Variants in CACHD1 observed in about 807,000 individuals in gnomAD.
The protein encoded by CACHD1 is VWFA and cache domain-containing protein 1.
CACHD1 carries 71 observed loss-of-function variants against 138.7 expected under a neutral mutation model. That is an observed-to-expected ratio of 0.51 (90% CI 0.42 to 0.62). The LOEUF is 0.62. Ranked by LOEUF, CACHD1 falls within the 20% of genes least tolerant of loss-of-function variation. CACHD1 has a pLI of 0.00. For synonymous variants in CACHD1, 578 were observed against 591.5 expected (o/e 0.98, Z 0.33); for missense variants, 1,389 against 1,625.3 (o/e 0.85, Z 2.50).
chr1:64,634,402 C>G (rs1648435853), intron 7 of CACHD1, 142 bp downstream of exon 7: 4 of 209,194 alleles, frequency 1.9e-5, no homozygotes, highest in Non-Finnish European at 3.4e-5. Context: ...ATTTATTTAC[C>G]TTGAGACAGA....
chr1:64,606,835 G>C (rs1333468522), intron 4 of CACHD1, among the ~76,000 whole-genome samples: 2 of 152,166 alleles, frequency 1.3e-5, no homozygotes, highest in African/African-American at 4.8e-5. Flanking sequence ...AGGGGACCAG[G>C]TATGTGAGAG....
chr1:64,543,179 T>C (rs2100433399), intron 1 of CACHD1, among the ~76,000 whole-genome samples: 1 of 151,916 alleles, frequency 6.6e-6, no homozygotes, highest in East Asian at 1.9e-4. Context: ...CTATTTTTCT[T>C]TTTAGTGGTA....
At chr1:64,566,484 C>CCCCT (rs1285028508) in intron 2 of CACHD1, among the ~76,000 whole-genome samples, 9 of 141,996 alleles carry the variant, frequency 6.3e-5, no homozygotes, top group Non-Finnish European at 6.5e-5. Context: ...TCAATTCCCC[C>CCCCT]CCCCCCACAA....
At chr1:64,617,160 AC>A (rs1260358628) in intron 4 of CACHD1, among the ~76,000 whole-genome samples, 115 of 13,246 alleles carry the variant, frequency 8.7e-3, no homozygotes, top group Admixed American at 0.015. Flanking sequence ...ACAAAACAAA[AC>A]AAAAAAAAAA....
intron 2 of CACHD1, among the ~76,000 whole-genome samples, chr1:64,551,441 T>G (rs1646758268): frequency 6.6e-6 from 1 of 152,206 alleles, no homozygotes; most frequent in African/African-American, 2.4e-5. Flanking sequence ...ATCCACCAAC[T>G]TCATTACAGT....
Position 64,682,091 on chromosome 1 carries a change from A to G in CACHD1, c.3571A>G (p.Thr1191Ala), listed in dbSNP as rs1385417405. 2.4e-5 allele frequency: 39 copies of G among 1,614,066 alleles called. No individual in the cohort carries two copies. Among genetic ancestry groups the G allele is most frequent in the Non-Finnish European group, 3.1e-5 (37 of 1,179,964 alleles). The change falls in exon 26 of 27, where the codon ACA (threonine) becomes GCA (alanine). Residue 1191 changes from threonine (T) to alanine (A), a missense_variant. Physicochemically the swap from Thr to Ala is moderately conservative, Grantham distance 58 (BLOSUM62 0). Transcript: ENST00000651257. The stretch of plus-strand genomic sequence containing the variant: ...GCGCCGCTACTGGGGTCGATCAGGA[A>G]CAGAAAGTGATCATGGTAAGGTCTA... ...RRRRYWGRSGTESDHGYSTMS... is the reference protein window; with the variant it reads ...RRRRYWGRSGAESDHGYSTMS...
At chr1:64,661,384 G>A (rs1006084377) in intron 13 of CACHD1, among the ~76,000 whole-genome samples, 4 of 152,144 alleles carry the variant, frequency 2.6e-5, no homozygotes, top group Non-Finnish European at 5.9e-5. Context: ...TTTGGGTCCT[G>A]TATCTTGATT....
At position 64,594,803 on chromosome 1, in the gene CACHD1, C is replaced by G. The variant is rs527914303; in HGVS notation, c.411-8003C>G. Among the ~76,000 whole-genome samples, 258 of 152,298 alleles carry G rather than the reference C, an allele frequency of 1.7e-3. 2 individuals are homozygous for G. Among genetic ancestry groups the G allele is most frequent in the Non-Finnish European group, 3.0e-3 (206 of 68,028 alleles). On this transcript the variant is annotated intron_variant, in intron 3 of 26. Coordinates refer to ENST00000651257, the MANE Select transcript of CACHD1 (RefSeq NM_020925.4). Reference sequence around the variant, plus strand: ...CTATACCAGCTTTAAGAAATAGAACCTGTCTTAGCTGAAAAGCAACCTTTT... The same window carrying G: ...CTATACCAGCTTTAAGAAATAGAACGTGTCTTAGCTGAAAAGCAACCTTTT...
chr1:64,545,110 C>CT, intron 1 of CACHD1, among the ~76,000 whole-genome samples: 1 of 152,148 alleles, frequency 6.6e-6, no homozygotes, highest in South Asian at 2.1e-4. Flanking sequence ...CTTGCCCTTC[C>CT]TTTTTAAGAA....
At chr1:64,564,519 C>T (rs1028168976) in intron 2 of CACHD1, among the ~76,000 whole-genome samples, 4 of 152,136 alleles carry the variant, frequency 2.6e-5, no homozygotes, top group Non-Finnish European at 5.9e-5. Context: ...TAAATATTTA[C>T]ATAAGTCTTT....
intron 1 of CACHD1, among the ~76,000 whole-genome samples, chr1:64,527,725 C>A (rs994063919): frequency 2.6e-5 from 4 of 152,128 alleles, no homozygotes; most frequent in Non-Finnish European, 5.9e-5. Context: ...ACTTAATATA[C>A]AAATCTATAA....
intron 4 of CACHD1, among the ~76,000 whole-genome samples, chr1:64,603,966 C>G (rs1019769456): frequency 3.9e-5 from 6 of 152,266 alleles, no homozygotes; most frequent in South Asian, 4.2e-4. Flanking sequence ...GGGAACCCCC[C>G]CAAAGACTTT....
intron 2 of CACHD1, among the ~76,000 whole-genome samples, chr1:64,574,453 T>C (rs1325117654): frequency 6.6e-6 from 1 of 152,152 alleles, no homozygotes; most frequent in African/African-American, 2.4e-5. Flanking sequence ...TTACCTATCC[T>C]GTATGACACA....
Position 64,691,434 on chromosome 1 carries a change from C to A in CACHD1, c.3698C>A (p.Thr1233Asn), listed in dbSNP as rs747634732. The change falls in exon 27 of 27, where the codon ACC becomes AAC. Residue 1233 changes from threonine (T) to asparagine (N), a missense_variant. By Grantham distance (65) the Thr-to-Asn change is moderately conservative (BLOSUM62 0). Coordinates refer to ENST00000651257, the MANE Select transcript of CACHD1 (RefSeq NM_020925.4). ...GNHDEDLDLDTPPQTAALLSH... is the reference protein window; with the variant it reads ...GNHDEDLDLDNPPQTAALLSH... ...CATGATGAGGACTTAGACCTGGATA[C>A]CCCCCCTCAGACTGCTGCCCTACTA... The A allele has an allele frequency of 5.0e-6, 8 of 1,613,672 alleles. No individual in the cohort carries two copies. Among genetic ancestry groups the A allele is most frequent in the African/African-American group, 1.3e-5 (1 of 74,834 alleles).
At chr1:64,675,806 T>C in intron 20 of CACHD1, 91 bp from the exon 21 acceptor site, 1 of 838,986 alleles carries the variant, frequency 1.2e-6, no homozygotes, top group Non-Finnish European at 1.8e-6. Flanking sequence ...TTAAACTAGC[T>C]CAGAGCTTCA....
intron 9 of CACHD1, among the ~76,000 whole-genome samples, chr1:64,649,083 C>T (rs767140073): frequency 1.1e-4 from 16 of 152,054 alleles, no homozygotes; most frequent in African/African-American, 2.2e-4. Context: ...CTTACAAATA[C>T]GGATTTTTTT....
At chr1:64,672,434 A>G (rs1649847297) in intron 17 of CACHD1, among the ~76,000 whole-genome samples, 1 of 152,234 alleles carries the variant, frequency 6.6e-6, no homozygotes, top group Admixed American at 6.5e-5. Context: ...TACCCATAGC[A>G]TAATACAATA....
intron 22 of CACHD1, among the ~76,000 whole-genome samples, chr1:64,677,588 T>A (rs1368897943): frequency 6.6e-6 from 1 of 152,188 alleles, no homozygotes; most frequent in Admixed American, 6.5e-5. Flanking sequence ...TGCGTGTGTA[T>A]TTTAGCAAAG....
intron 4 of CACHD1, among the ~76,000 whole-genome samples, chr1:64,617,981 G>A (rs1647770956): frequency 6.6e-6 from 1 of 151,912 alleles, no homozygotes; most frequent in South Asian, 2.1e-4. Context: ...TCTGGAGGCT[G>A]AGGCAAGAGA....
Sources: allele counts gnomAD v4.1 joint callset (sites outside exome capture counted in the v4.1 genomes callset), GRCh38; gene constraint gnomAD v4.1.1; transcripts MANE v1.5; gene names NCBI Gene and HGNC (gene_info 2026-07-23, HGNC 2026-07-21).